PCDH15: variants seen among roughly 807,000 people sequenced by gnomAD.
PCDH15 encodes the protein protocadherin-15.
In PCDH15, 129 loss-of-function variants were observed where a neutral mutation model predicts 178.5. The observed-to-expected ratio is 0.72, with a 90% CI of 0.63 to 0.84. PCDH15 has a LOEUF of 0.84. Ranked by LOEUF, PCDH15 falls within the 40% of genes least tolerant of loss-of-function variation. The pLI is 0.00. For missense variants in PCDH15, 2,230 were observed against 2,099.9 expected, an observed-to-expected ratio of 1.06 and a Z score of -1.21; for synonymous variants, 800 against 732.0, an observed-to-expected ratio of 1.09 and a Z score of -1.50.
intron 3 of PCDH15, among the ~76,000 whole-genome samples, chr10:54,383,390 T>A (rs979489620): frequency 6.6e-6 from 1 of 152,096 alleles, no homozygotes; most frequent in Admixed American, 6.6e-5. Flanking sequence ...GCAAAAAAAG[T>A]CATACTACTA....
intron 15 of PCDH15, among the ~76,000 whole-genome samples, chr10:54,093,185 A>T (rs547549679): frequency 6.6e-6 from 1 of 152,056 alleles, no homozygotes; most frequent in Non-Finnish European, 1.5e-5. Context: ...TCTTTTAAGG[A>T]TTGTGAATGT....
At chr10:54,065,435 G>T (rs2094118292) in intron 18 of PCDH15, among the ~76,000 whole-genome samples, 1 of 152,064 alleles carries the variant, frequency 6.6e-6, no homozygotes, top group Non-Finnish European at 1.5e-5. Context: ...ATTTATACAT[G>T]AATATTTTGT....
At chr10:55,272,466 G>A (rs1034274126) in intron 1 of PCDH15, among the ~76,000 whole-genome samples, 3 of 151,064 alleles carry the variant, frequency 2.0e-5, no homozygotes, top group Admixed American at 6.6e-5. Context: ...GTGCAGTGAC[G>A]CGATCTCGGC....
At position 54,997,111 on chromosome 10, in the gene PCDH15, C is replaced by CAAAA. The variant is rs34308353; in HGVS notation, c.-79-99615_-79-99612dup. On this transcript the variant is annotated intron_variant, in intron 2 of 5. Coordinates refer to the PCDH15 transcript ENST00000458638. ...GCAACAAAGAGCAAAACTCTAGTCT[C>CAAAA]AAAAAAAAAAAAAATCAAACTACCT... Among the ~76,000 whole-genome samples the CAAAA allele has an allele frequency of 9.1e-5, 13 of 142,396 alleles. No homozygotes were observed. In the East Asian group the frequency reaches 1.3e-3, roughly 14 times the overall value. The allele number at this position is 142,396 out of a possible 152,430, so 93.4% of individuals were successfully genotyped here.
intron 2 of PCDH15, among the ~76,000 whole-genome samples, chr10:54,968,741 A>G (rs905592052): frequency 3.3e-5 from 5 of 152,164 alleles, no homozygotes; most frequent in Non-Finnish European, 5.9e-5. Context: ...TTTCAAGAAT[A>G]TCAATCACAC....
chr10:55,060,276 A>C (rs1403745406), intron 2 of PCDH15, among the ~76,000 whole-genome samples: 1 of 152,112 alleles, frequency 6.6e-6, no homozygotes, highest in African/African-American at 2.4e-5. Flanking sequence ...TTCAATGTGC[A>C]CAAAAGTATT....
intron 15 of PCDH15, 41 bp downstream of exon 15, chr10:54,132,834 A>G (rs779977533): frequency 2.0e-5 from 30 of 1,532,452 alleles, no homozygotes; most frequent in Non-Finnish European, 2.6e-5. Flanking sequence ...GTCACTTTAG[A>G]ATTTATACAC....
intron 2 of PCDH15, among the ~76,000 whole-genome samples, chr10:54,625,645 G>C (rs537944128): frequency 7.2e-5 from 11 of 152,296 alleles, no homozygotes; most frequent in African/African-American, 2.6e-4. Context: ...GGCTTCCCCA[G>C]CCACATGGAA....
Position 54,322,972 on chromosome 10 carries a change from G to A in PCDH15, c.706-5531C>T, listed in dbSNP as rs78040440. Among the ~76,000 whole-genome samples the A allele has an allele frequency of 9.3e-4, 141 of 152,122 alleles. 1 individual carries two copies. In the East Asian group the frequency reaches 0.026, roughly 28 times the overall value. On this transcript the variant is annotated intron_variant, in intron 7 of 37. Transcript: ENST00000644397. The stretch of plus-strand genomic sequence containing the variant: ...CTATGCAAACTATGCATCTGACAAA[G>A]GTCTAATATTCAGAATCTATAAGGA...
chr10:54,096,590 A>G (rs2094703809), intron 15 of PCDH15, among the ~76,000 whole-genome samples: 2 of 152,172 alleles, frequency 1.3e-5, no homozygotes, highest in Non-Finnish European at 2.9e-5. Flanking sequence ...TGGCACTAGC[A>G]GATCCCATGC....
chr10:54,747,850 A>G (rs999971248), intron 1 of PCDH15, among the ~76,000 whole-genome samples: 16 of 145,064 alleles, frequency 1.1e-4, no homozygotes, highest in African/African-American at 2.4e-4. Context: ...CTGTAGCCCA[A>G]GCTGGAGTGC....
chr10:55,308,328 G>T (rs1315695726), intron 1 of PCDH15, among the ~76,000 whole-genome samples: 1 of 152,160 alleles, frequency 6.6e-6, no homozygotes. Flanking sequence ...GAAGTTGGCT[G>T]TGCTGGAGTA....
In PCDH15 at chr10:54,151,544, G is replaced by A. The variant is rs186248755; in HGVS notation, c.1784+1556C>T. Among the ~76,000 whole-genome samples, 1,000 of 151,044 alleles carry A rather than the reference G, an allele frequency of 6.6e-3. 7 individuals carry two copies. The highest frequency in any genetic ancestry group is 0.021 in the Middle Eastern group (6 of 290). On this transcript the variant is annotated intron_variant, in intron 14 of 37. Coordinates refer to ENST00000644397, the MANE Select transcript of PCDH15 (RefSeq NM_001384140.1). Reference sequence around the variant, plus strand: ...GACAGAGTTAGACCTGGGCTAGGGGGAAAAAATGTAAAAGAAAAAAAGCCT... The same window carrying A: ...GACAGAGTTAGACCTGGGCTAGGGGAAAAAAATGTAAAAGAAAAAAAGCCT...
At chr10:53,871,147 C>G (rs937807931) in intron 26 of PCDH15, among the ~76,000 whole-genome samples, 1 of 148,368 alleles carries the variant, frequency 6.7e-6, no homozygotes, top group Non-Finnish European at 1.5e-5. Flanking sequence ...TCCTGGCTAA[C>G]GCAGTGAAAC....
At chr10:55,267,821 G>C (rs1842339729) in intron 1 of PCDH15, among the ~76,000 whole-genome samples, 1 of 152,108 alleles carries the variant, frequency 6.6e-6, no homozygotes. Context: ...TTTCCTTTGG[G>C]GGAATGGAGG....
At chr10:55,295,869 AG>A (rs1843118948) in intron 1 of PCDH15, among the ~76,000 whole-genome samples, 3 of 152,068 alleles carry the variant, frequency 2.0e-5, no homozygotes, top group African/African-American at 7.2e-5. Flanking sequence ...TTAAGGGCTC[AG>A]CCTCACAACA....
chr10:53,840,922 A>C (rs2132769576), intron 28 of PCDH15, among the ~76,000 whole-genome samples: 1 of 152,358 alleles, frequency 6.6e-6, no homozygotes, highest in African/African-American at 2.4e-5. Flanking sequence ...CTATATGCTA[A>C]GAAGCAGGAC....
Position 54,675,768 on chromosome 10 carries a change from C to A in PCDH15, c.-28-11478G>T, listed in dbSNP as rs1309642729. Reference sequence around the variant, plus strand: ...GCAATATTTGTGTTTCACTTTATGCCCCTGAGAAGAGGAATCATTATTAGC... The same window carrying A: ...GCAATATTTGTGTTTCACTTTATGCACCTGAGAAGAGGAATCATTATTAGC... On this transcript the variant is annotated intron_variant, in intron 1 of 37. Coordinates refer to ENST00000644397, the MANE Select transcript of PCDH15 (RefSeq NM_001384140.1). 7.9e-5 allele frequency among the ~76,000 whole-genome samples: 12 copies of A among 152,126 alleles called. No individual in the cohort carries two copies. In the East Asian group the frequency reaches 2.3e-3, roughly 29 times the overall value.
chr10:55,477,019 T>C (rs536165102), intron 2 of PCDH15, among the ~76,000 whole-genome samples: 2 of 152,064 alleles, frequency 1.3e-5, no homozygotes, highest in East Asian at 1.9e-4. Flanking sequence ...GCCAAGGTTA[T>C]GTTATATTTT....
Sources: gnomAD v4.1 joint callset for allele counts (sites outside exome capture counted in the v4.1 genomes callset) on GRCh38, gnomAD v4.1.1 for gene constraint, MANE v1.5 for transcripts, NCBI Gene and HGNC (gene_info 2026-07-23, HGNC 2026-07-21) for gene names.